The following CPEB3 variants were observed in gnomAD, a reference collection of about 807,000 sequenced individuals.
CPEB3 encodes the protein cytoplasmic polyadenylation element binding protein 3, also known as cytoplasmic polyadenylation element-binding protein 3.
CPEB3 carries 20 observed loss-of-function variants against 67.2 expected under a neutral mutation model. The observed-to-expected ratio is 0.30, with a 90% CI of 0.21 to 0.43. The LOEUF (loss-of-function observed/expected upper bound fraction) is 0.43, where lower values mean the gene tolerates loss of function less well. Ranked by LOEUF, CPEB3 falls within the 20% of genes least tolerant of loss-of-function variation. CPEB3 has a pLI of 1.00. For missense variants in CPEB3, 746 were observed against 968.6 expected (o/e 0.77, Z 3.05); for synonymous variants, 376 against 393.1 (o/e 0.96, Z 0.51).
chr10:92,103,044 G>A (rs1331585138), intron 7 of CPEB3, among the ~76,000 whole-genome samples: 1 of 152,194 alleles, frequency 6.6e-6, no homozygotes, highest in Admixed American at 6.5e-5. Context: ...TTCCTGAGGT[G>A]CTGACACTGG....
intron 4 of CPEB3, among the ~76,000 whole-genome samples, chr10:92,157,111 G>A (rs75209144): frequency 5.3e-5 from 8 of 152,140 alleles, no homozygotes; most frequent in Non-Finnish European, 1.2e-4. Flanking sequence ...AGTAAATTAC[G>A]ACTCCTCCTT....
chr10:92,118,922 C>G (rs1355309640), intron 6 of CPEB3: 1 of 1,107,622 alleles, frequency 9.0e-7, no homozygotes, highest in Non-Finnish European at 1.4e-6. Context: ...CATGTCAGCC[C>G]TGTTACTCCC....
At chr10:92,098,333 A>G (rs2133364357) in intron 7 of CPEB3, among the ~76,000 whole-genome samples, 1 of 150,892 alleles carries the variant, frequency 6.6e-6, no homozygotes, top group South Asian at 2.1e-4. Context: ...TTTGAGACGG[A>G]GTTTCGCTCT....
At chr10:92,274,393 C>A (rs372223401) in intron 1 of CPEB3, among the ~76,000 whole-genome samples, 1 of 152,146 alleles carries the variant, frequency 6.6e-6, no homozygotes, top group Non-Finnish European at 1.5e-5. Context: ...TACTATCTTG[C>A]CCACTTTAAG....
At chr10:92,191,084 A>C (rs946007391) in intron 3 of CPEB3, among the ~76,000 whole-genome samples, 1 of 152,144 alleles carries the variant, frequency 6.6e-6, no homozygotes, top group Non-Finnish European at 1.5e-5. Flanking sequence ...TCCACTTTTT[A>C]AAGTCAAAAA....
At chr10:92,143,836 T>G (rs1326791181) in intron 5 of CPEB3, among the ~76,000 whole-genome samples, 2 of 152,074 alleles carry the variant, frequency 1.3e-5, no homozygotes, top group African/African-American at 4.8e-5. Context: ...CAAGAACAAT[T>G]TGGAGGAAAA....
chr10:92,225,344 A>G (rs954838428), intron 2 of CPEB3, among the ~76,000 whole-genome samples: 12 of 152,144 alleles, frequency 7.9e-5, no homozygotes, highest in Non-Finnish European at 1.6e-4. Context: ...ATGATGCCCA[A>G]CGATGTTCAT....
chr10:92,262,557 ATG>A (rs1169938953), intron 1 of CPEB3, among the ~76,000 whole-genome samples: 1 of 152,088 alleles, frequency 6.6e-6, no homozygotes, highest in Non-Finnish European at 1.5e-5. Context: ...TCTAAAACCC[ATG>A]TCTTTGGCAA....
chr10:92,099,821 G>A (rs766671167), intron 7 of CPEB3, among the ~76,000 whole-genome samples: 7 of 149,246 alleles, frequency 4.7e-5, no homozygotes, highest in African/African-American at 1.2e-4. Context: ...CTGAGATCAC[G>A]CCATTGCACT....
intron 1 of CPEB3, among the ~76,000 whole-genome samples, chr10:92,274,140 T>C (rs1213052460): frequency 6.6e-6 from 1 of 152,190 alleles, no homozygotes; most frequent in Non-Finnish European, 1.5e-5. Context: ...GATTTTCTCA[T>C]CTATGAAATG....
At chr10:92,279,018 C>A (rs139813800) in intron 1 of CPEB3, among the ~76,000 whole-genome samples, 6 of 151,940 alleles carry the variant, frequency 3.9e-5, no homozygotes, top group African/African-American at 7.2e-5. Context: ...TCCAATATGG[C>A]TGCCTTTTAT....
intron 7 of CPEB3, among the ~76,000 whole-genome samples, chr10:92,100,238 T>TC (rs758079231): frequency 1.6e-5 from 2 of 126,536 alleles, no homozygotes; most frequent in Non-Finnish European, 3.3e-5. Flanking sequence ...CATATTTGTT[T>TC]CCCCCCAGCA....
At chr10:92,123,484 C>T (rs1342779387) in intron 6 of CPEB3, among the ~76,000 whole-genome samples, 4 of 152,206 alleles carry the variant, frequency 2.6e-5, no homozygotes, top group Admixed American at 6.5e-5. Context: ...CTCTTAACAA[C>T]CCAACGAGTA....
chr10:92,250,781 C>T (rs1371048644), intron 1 of CPEB3, among the ~76,000 whole-genome samples: 1 of 152,030 alleles, frequency 6.6e-6, no homozygotes, highest in Non-Finnish European at 1.5e-5. Flanking sequence ...CCTCCACCTC[C>T]CAGGTTCAAG....
In CPEB3 at chr10:92,167,776, C is replaced by T. The variant is rs4453132; in HGVS notation, c.1222+13187G>A. Among the ~76,000 whole-genome samples, 1,475 of 152,050 alleles carry T rather than the reference C, an allele frequency of 9.7e-3. 60 individuals carry two copies. The East Asian group carries it at 0.11, about 11-fold the overall frequency. On this transcript the variant is annotated intron_variant, in intron 4 of 9. Coordinates refer to ENST00000265997, the MANE Select transcript of CPEB3 (RefSeq NM_014912.5). ...TATAAAAATTAGCCAGGTGTGGTGG[C>T]GCACACCTGTAGTCCCAGCTACTCG...
At chr10:92,205,031 G>T (rs113746977) in intron 2 of CPEB3, among the ~76,000 whole-genome samples, 2 of 151,760 alleles carry the variant, frequency 1.3e-5, no homozygotes, top group Admixed American at 1.3e-4. Flanking sequence ...GTAGAGATGG[G>T]GTTTCACCAT....
chr10:92,123,340 A>G (rs937426491), intron 6 of CPEB3, among the ~76,000 whole-genome samples: 1 of 152,178 alleles, frequency 6.6e-6, no homozygotes, highest in Non-Finnish European at 1.5e-5. Context: ...GAACTGGTCA[A>G]ACTCGTTGGG....
intron 7 of CPEB3, 85 bp downstream of exon 7, chr10:92,110,991 C>T (rs867325343): frequency 1.0e-6 from 1 of 985,960 alleles, no homozygotes; most frequent in Middle Eastern, 2.1e-4. Context: ...TAGTTACCAG[C>T]ATTTCCATTA....
At chr10:92,091,977 C>CAT (rs1843637729) in intron 7 of CPEB3, 33 bp from the exon 8 acceptor site, 1 of 1,257,724 alleles carries the variant, frequency 8.0e-7, no homozygotes, top group Admixed American at 1.7e-5. Flanking sequence ...GTCCTTACTT[C>CAT]ATTTCCATCA....
Sources: gnomAD v4.1 joint callset for allele counts (sites outside exome capture counted in the v4.1 genomes callset) on GRCh38, gnomAD v4.1.1 for gene constraint, MANE v1.5 for transcripts, NCBI Gene and HGNC (gene_info 2026-07-23, HGNC 2026-07-21) for gene names.